The following MSTO1 variants were observed in gnomAD, a reference collection of about 807,000 sequenced individuals.
MSTO1 encodes misato mitochondrial distribution and morphology regulator 1.
MSTO1 carries 24 observed loss-of-function variants against 55.7 expected under a neutral mutation model. The ratio of observed to expected loss-of-function variants is 0.43; its 90% CI spans 0.31 to 0.61. The LOEUF is 0.61. MSTO1 is among the 20% of genes least tolerant of loss of function. The pLI, the probability that MSTO1 is intolerant of heterozygous loss-of-function variation, is 0.09. For synonymous variants in MSTO1, 162 were observed against 252.8 expected (o/e 0.64, Z 3.41); for missense variants, 363 against 625.7 (o/e 0.58, Z 4.48).
the MSTO1 span, among the ~76,000 whole-genome samples, chr1:155,586,290 G>A: frequency 3.5e-5 from 5 of 143,220 alleles, no homozygotes; most frequent in African/African-American, 1.3e-4. Flanking sequence ...TGATCCACCC[G>A]CCTCGGCCTC....
the MSTO1 span, among the ~76,000 whole-genome samples, chr1:155,604,403 C>G: frequency 6.6e-6 from 1 of 152,120 alleles, no homozygotes; most frequent in Non-Finnish European, 1.5e-5. Flanking sequence ...GCAATTTAAA[C>G]TAGAAACCAG....
the MSTO1 span, among the ~76,000 whole-genome samples, chr1:155,578,509 T>A: frequency 1.5e-5 from 2 of 132,836 alleles, no homozygotes; most frequent in Non-Finnish European, 3.2e-5. Flanking sequence ...CGGCTAATCT[T>A]TTTTTTTTTT....
the MSTO1 span, chr1:155,590,944 C>A: frequency 1.9e-6 from 3 of 1,613,860 alleles, no homozygotes; most frequent in Non-Finnish European, 2.5e-6. Context: ...CTCCTCCACA[C>A]AGGTGGTACA....
upstream of MSTO1, among the ~76,000 whole-genome samples, chr1:155,605,914 T>C (rs773114356): frequency 1.3e-5 from 2 of 152,228 alleles, no homozygotes; most frequent in African/African-American, 2.4e-5. Flanking sequence ...CTTCCCAACT[T>C]GTTTTTGAGG....
At chr1:155,599,734 C>T in the MSTO1 span, among the ~76,000 whole-genome samples, 1 of 152,120 alleles carries the variant, frequency 6.6e-6, no homozygotes, top group South Asian at 2.1e-4. Flanking sequence ...GGTGTTTCTC[C>T]GAGAGGGGGA....
chr1:155,594,129 C>A, the MSTO1 span, among the ~76,000 whole-genome samples: 1 of 152,048 alleles, frequency 6.6e-6, no homozygotes, highest in Non-Finnish European at 1.5e-5. Flanking sequence ...GGGCCAGGTG[C>A]GGTGGCTCAC....
At chr1:155,601,118 C>T in the MSTO1 span, among the ~76,000 whole-genome samples, 1 of 151,378 alleles carries the variant, frequency 6.6e-6, no homozygotes, top group African/African-American at 2.4e-5. Context: ...CGCACCCAGC[C>T]TTGCTTGTAT....
the MSTO1 span, among the ~76,000 whole-genome samples, chr1:155,604,712 C>A: frequency 6.6e-6 from 1 of 151,708 alleles, no homozygotes; most frequent in Non-Finnish European, 1.5e-5. Context: ...CTCATCTCTA[C>A]AAAAAATGCA....
At chr1:155,563,612 C>T in the MSTO1 span, 3 of 456,126 alleles carry the variant, frequency 6.6e-6, no homozygotes, top group Non-Finnish European at 8.8e-6. Context: ...CTTCTTCAGC[C>T]TCGTTAGACA....
chr1:155,566,574 T>C, the MSTO1 span, among the ~76,000 whole-genome samples: 1 of 151,438 alleles, frequency 6.6e-6, no homozygotes, highest in Non-Finnish European at 1.5e-5. Context: ...GGCAAGAGAG[T>C]GAAACTCTGT....
chr1:155,572,317 G>C, the MSTO1 span, among the ~76,000 whole-genome samples: 6 of 152,140 alleles, frequency 3.9e-5, no homozygotes, highest in Non-Finnish European at 8.8e-5. Flanking sequence ...AAATCCCCCT[G>C]GTAGAGAACT....
the MSTO1 span, among the ~76,000 whole-genome samples, chr1:155,587,793 G>A: frequency 6.6e-6 from 1 of 150,572 alleles, no homozygotes; most frequent in Non-Finnish European, 1.5e-5. Context: ...AATTTACCAT[G>A]GGATAGGATA....
upstream of MSTO1, chr1:155,609,757 A>T (rs1673426211): frequency 6.0e-6 from 1 of 167,850 alleles, no homozygotes; most frequent in African/African-American, 2.4e-5. Flanking sequence ...ATGATAGCTA[A>T]GCCAGTCCAC....
At chr1:155,563,918 A>C in the MSTO1 span, 2 of 219,040 alleles carry the variant, frequency 9.1e-6, no homozygotes, top group African/African-American at 4.7e-5. Context: ...TGTCCCTCCA[A>C]GGAGTTAATA....
At chr1:155,606,029 A>T (rs1162130265), upstream of MSTO1, among the ~76,000 whole-genome samples, 2 of 151,860 alleles carry the variant, frequency 1.3e-5, no homozygotes, top group African/African-American at 4.8e-5. Flanking sequence ...CAGTAAGTAG[A>T]TCCAACTTTT....
the MSTO1 span, among the ~76,000 whole-genome samples, chr1:155,599,634 A>T: frequency 6.6e-6 from 1 of 152,200 alleles, no homozygotes; most frequent in Non-Finnish European, 1.5e-5. Flanking sequence ...AGTATGGAGA[A>T]AGAAATAAGG....
the MSTO1 span, among the ~76,000 whole-genome samples, chr1:155,565,399 G>A: frequency 6.6e-6 from 1 of 152,050 alleles, no homozygotes; most frequent in African/African-American, 2.4e-5. Flanking sequence ...TACTGTGCCA[G>A]GGGAACACGT....
chr1:155,568,083 TA>T, the MSTO1 span, among the ~76,000 whole-genome samples: 547 of 150,802 alleles, frequency 3.6e-3, 5 homozygotes, highest in African/African-American at 0.013. Flanking sequence ...TATTTTATTT[TA>T]TTTTATTTTT....
the MSTO1 span, among the ~76,000 whole-genome samples, chr1:155,574,232 C>G: frequency 1.3e-5 from 2 of 152,070 alleles, no homozygotes; most frequent in African/African-American, 2.4e-5. Flanking sequence ...GTGGCATATG[C>G]CTGTAGTCCA....
Sources: gnomAD v4.1 joint callset for allele counts (sites outside exome capture counted in the v4.1 genomes callset) on GRCh38, gnomAD v4.1.1 for gene constraint, MANE v1.5 for transcripts, NCBI Gene and HGNC (gene_info 2026-07-23, HGNC 2026-07-21) for gene names.